Variants in ARHGAP26 observed in about 807,000 individuals in gnomAD.
The protein encoded by ARHGAP26 is Rho GTPase activating protein 26, also known as rho GTPase-activating protein 26.
Under a neutral mutation model 104.8 loss-of-function variants are expected in ARHGAP26, and 38 were observed. That is an observed-to-expected ratio of 0.36 (90% CI 0.28 to 0.48). ARHGAP26 has a LOEUF of 0.48. ARHGAP26 is among the 20% of genes least tolerant of loss of function. The probability of loss-of-function intolerance (pLI) is 0.99; values close to 1 mark genes in which losing one functional copy is unlikely to be tolerated. For missense variants in ARHGAP26, 704 were observed against 947.9 expected (o/e 0.74, Z 3.38); for synonymous variants, 341 against 340.0 (o/e 1.00, Z -0.03).
At chr5:143,025,592 A>G (rs1780934309) in intron 12 of ARHGAP26, among the ~76,000 whole-genome samples, 1 of 152,216 alleles carries the variant, frequency 6.6e-6, no homozygotes, top group African/African-American at 2.4e-5. Context: ...GTAGGAGACA[A>G]ATGGTCCTGA....
intron 20 of ARHGAP26, among the ~76,000 whole-genome samples, chr5:143,191,239 AT>A: frequency 6.6e-6 from 1 of 152,262 alleles, no homozygotes; most frequent in Non-Finnish European, 1.5e-5. Flanking sequence ...CATTCCTTAA[AT>A]GTTGATAACT....
At chr5:142,874,223 C>T (rs768076690) in intron 2 of ARHGAP26, among the ~76,000 whole-genome samples, 7 of 152,200 alleles carry the variant, frequency 4.6e-5, no homozygotes, top group Non-Finnish European at 5.9e-5. Flanking sequence ...TGTAGGCAGC[C>T]GTAAGCATGG....
chr5:143,142,136 T>TTTTTTC (rs1798614021), intron 19 of ARHGAP26, among the ~76,000 whole-genome samples: 1 of 110,500 alleles, frequency 9.0e-6, no homozygotes, highest in African/African-American at 3.6e-5. Context: ...ACTTTTCACT[T>TTTTTTC]TTTTTTTTTT....
intron 17 of ARHGAP26, among the ~76,000 whole-genome samples, chr5:143,099,900 A>G (rs1331797439): frequency 6.6e-6 from 1 of 152,258 alleles, no homozygotes; most frequent in African/African-American, 2.4e-5. Flanking sequence ...ATTTGAAAGA[A>G]CCAACTAGAA....
At chr5:142,994,931 A>T (rs556195771) in intron 11 of ARHGAP26, among the ~76,000 whole-genome samples, 1 of 152,364 alleles carries the variant, frequency 6.6e-6, no homozygotes, top group South Asian at 2.1e-4. Context: ...TGGGGGAAGG[A>T]TTCCCTATTT....
intron 19 of ARHGAP26, among the ~76,000 whole-genome samples, chr5:143,137,488 A>G (rs137984477): frequency 2.5e-4 from 38 of 152,324 alleles, no homozygotes; most frequent in African/African-American, 8.7e-4. Context: ...CAGAGCAGAT[A>G]CCTGGTTGGA....
chr5:142,894,770 T>C (rs979907932), intron 6 of ARHGAP26, among the ~76,000 whole-genome samples: 1 of 152,254 alleles, frequency 6.6e-6, no homozygotes, highest in Non-Finnish European at 1.5e-5. Context: ...TACATTTCTC[T>C]TTTTACCCTG....
At chr5:143,163,431 A>AGGTT (rs1425631946) in intron 20 of ARHGAP26, among the ~76,000 whole-genome samples, 1 of 134,898 alleles carries the variant, frequency 7.4e-6, no homozygotes, top group Admixed American at 7.1e-5. Flanking sequence ...AAGGAGTTCT[A>AGGTT]GGTTTGTTTG....
intron 19 of ARHGAP26, among the ~76,000 whole-genome samples, chr5:143,145,113 C>G (rs1799005600): frequency 6.6e-6 from 1 of 152,160 alleles, no homozygotes; most frequent in Non-Finnish European, 1.5e-5. Context: ...CCCTCCTTTA[C>G]TAATGGATAG....
intron 20 of ARHGAP26, among the ~76,000 whole-genome samples, chr5:143,167,704 T>C (rs1467402396): frequency 1.3e-5 from 2 of 152,110 alleles, no homozygotes; most frequent in African/African-American, 4.8e-5. Context: ...TTTTTTTGTT[T>C]TGTTTTAACT....
At chr5:143,222,252 C>T (rs1811276768) in intron 22 of ARHGAP26, 106 bp from the exon 23 acceptor site, 1 of 70,150 alleles carries the variant, frequency 1.4e-5, no homozygotes, top group Non-Finnish European at 1.9e-5. Flanking sequence ...TTCATACACA[C>T]ACACACACAC....
At chr5:143,069,903 G>T (rs1282608956) in intron 17 of ARHGAP26, among the ~76,000 whole-genome samples, 2 of 152,120 alleles carry the variant, frequency 1.3e-5, no homozygotes, top group Admixed American at 1.3e-4. Context: ...ACACAGCTTG[G>T]TTCCCCAGAA....
chr5:142,949,164 C>CGAGAGAGAGAGA lies in ARHGAP26; in HGVS notation c.1107+17039_1107+17040insGAGAGAGAGAGA, dbSNP rs1767641310. 7.4e-5 allele frequency among the ~76,000 whole-genome samples: 3 copies of CGAGAGAGAGAGA among 40,630 alleles called. 1 individual carries two copies. Among genetic ancestry groups the CGAGAGAGAGAGA allele is most frequent in the East Asian group, 2.8e-3 (2 of 722 alleles). 26.7% of individuals were successfully genotyped at this position (40,630 alleles called of 152,430 possible). On this transcript the variant is annotated intron_variant, in intron 11 of 22. Transcript: ENST00000645722. ...CTGCTGAAGTTTTATAGTTGAATTT[C>CGAGAGAGAGAGA]CAGAGAGAGAGAGAGAGAGAGAGAG... is the stretch of plus-strand genomic sequence containing the variant.
chr5:143,072,161 C>T (rs1444387935), intron 17 of ARHGAP26, among the ~76,000 whole-genome samples: 3 of 151,736 alleles, frequency 2.0e-5, no homozygotes, highest in Non-Finnish European at 1.5e-5. Context: ...TATATGAAAA[C>T]ATGTTCAATG....
At chr5:143,018,428 CA>C (rs756204450) in intron 12 of ARHGAP26, among the ~76,000 whole-genome samples, 1 of 152,184 alleles carries the variant, frequency 6.6e-6, no homozygotes, top group Admixed American at 6.5e-5. Context: ...ACCCATGTCA[CA>C]AAGATGTGTA....
In ARHGAP26 at chr5:143,012,978, G is replaced by A. The variant is rs564812141; in HGVS notation, c.1108-1102G>A. On this transcript the variant is annotated intron_variant, in intron 11 of 22. Coordinates refer to ENST00000645722, the MANE Select transcript of ARHGAP26 (RefSeq NM_001135608.3). ...CGATTTTTTTCTTTTCTAAAGTAGAGGTTTCATCTTGTTTAATTATGACAG... is the reference window on the plus strand; with the variant it reads ...CGATTTTTTTCTTTTCTAAAGTAGAAGTTTCATCTTGTTTAATTATGACAG... Among the ~76,000 whole-genome samples the A allele has an allele frequency of 7.9e-5, 12 of 152,054 alleles. No individual in the cohort carries two copies. In the East Asian group the frequency reaches 2.3e-3, roughly 29 times the overall value.
At chr5:142,964,807 C>A (rs166155) in intron 11 of ARHGAP26, among the ~76,000 whole-genome samples, 4 of 151,930 alleles carry the variant, frequency 2.6e-5, no homozygotes, top group South Asian at 4.1e-4. Flanking sequence ...GGGCTTCTCC[C>A]TGTGTGCGGC....
intron 20 of ARHGAP26, among the ~76,000 whole-genome samples, chr5:143,180,214 C>T (rs1353192691): frequency 6.6e-6 from 1 of 152,140 alleles, no homozygotes; most frequent in East Asian, 1.9e-4. Flanking sequence ...CAACCTCCGC[C>T]TCCTGGGTTC....
rs1192546225 is a variant in ARHGAP26, at chr5:143,105,307, G to C, written c.1539-15681G>C. Among the ~76,000 whole-genome samples, 4 of 152,026 alleles carry C rather than the reference G, an allele frequency of 2.6e-5. No homozygotes were observed. The East Asian group carries it at 7.8e-4, about 29-fold the overall frequency. ...CAGGAGAATCGCTTGAACCCGGGAG[G>C]CGGAGGTTGTGTGAGCCAAGATTGC... On this transcript the variant is annotated intron_variant, in intron 17 of 22. Transcript: ENST00000645722.
Sources: gnomAD v4.1 joint callset for allele counts (sites outside exome capture counted in the v4.1 genomes callset) on GRCh38, gnomAD v4.1.1 for gene constraint, MANE v1.5 for transcripts, NCBI Gene and HGNC (gene_info 2026-07-23, HGNC 2026-07-21) for gene names.